The following FGD6 variants were observed in gnomAD, a reference collection of about 807,000 sequenced individuals.
FGD6 encodes FYVE, RhoGEF and PH domain-containing protein 6.
A neutral mutation model predicts 149.4 loss-of-function variants in FGD6; 90 were observed. The ratio of observed to expected loss-of-function variants is 0.60; its 90% CI spans 0.51 to 0.72. The LOEUF is 0.72. FGD6 is among the 30% of genes least tolerant of loss of function. The pLI is 0.00. For synonymous variants in FGD6, 527 were observed against 584.0 expected (o/e 0.90, Z 1.41); for missense variants, 1,437 against 1,684.8 (o/e 0.85, Z 2.57).
In FGD6 at chr12:95,082,105, T is replaced by C. The variant is rs555465071; in HGVS notation, c.4257-549A>G. On this transcript the variant is annotated intron_variant, in intron 20 of 20. Coordinates refer to ENST00000343958, the MANE Select transcript of FGD6 (RefSeq NM_018351.4). ...TAGGCATAAGGAAGGGACCATTTCA[T>C]GTATAAAGGTTCTATGAAGTCTTGA... Among the ~76,000 whole-genome samples, 97 of 152,292 alleles carry C rather than the reference T, an allele frequency of 6.4e-4. 1 individual carries two copies. The highest frequency in any genetic ancestry group is 5.0e-3 in the South Asian group (24 of 4,830).
In FGD6 at chr12:95,076,921, T is replaced by C. The variant is rs1245957232; in HGVS notation, c.*4599A>G. The C allele has an allele frequency of 1.3e-5, 2 of 151,808 alleles. No homozygotes were observed. The highest frequency in any genetic ancestry group is 2.9e-5 in the Non-Finnish European group (2 of 67,972). 9.4% of individuals were successfully genotyped at this position (151,808 alleles called of 1,614,324 possible). On this transcript the variant is annotated 3_prime_UTR_variant, in exon 21 of 21. Transcript: ENST00000343958. ...TTAAAAAAAAAACGATATTTCAAGA[T>C]TGGTTCTTACATGCTATGACCAACT...
intron 2 of FGD6, among the ~76,000 whole-genome samples, chr12:95,179,345 A>T (rs1448463112): frequency 6.6e-6 from 1 of 151,902 alleles, no homozygotes; most frequent in African/African-American, 2.4e-5. Context: ...CTATGAAAAA[A>T]AAAAAAAATT....
chr12:95,141,696 A>C (rs957802301), intron 5 of FGD6, among the ~76,000 whole-genome samples, 157 bp from the exon 6 acceptor site: 3 of 151,868 alleles, frequency 2.0e-5, no homozygotes, highest in Non-Finnish European at 4.4e-5. Context: ...CTCCTACCCC[A>C]CTCACCTAGA....
rs746842726 is a variant in FGD6 at position 95,094,654 on chromosome 12, T to C, written c.3538A>G (p.Arg1180Gly). 5.0e-6 allele frequency: 8 copies of C among 1,613,822 alleles called. No individual in the cohort carries two copies. The highest frequency in any genetic ancestry group is 2.2e-5 in the South Asian group (2 of 91,050). The change falls in exon 15 of 21, where the codon AGG becomes GGG. Residue 1180 changes from arginine to glycine, a missense_variant. Arg to Gly is a moderately radical substitution (Grantham distance 125, BLOSUM62 -2). This residue lies in a region of FGD6 where 382 missense variants were observed against 538.7 expected (regional missense o/e 0.71). Transcript: ENST00000343958. ...TTCTTGGCATACTCTTCTATTGCCC[T>C]GGAAATCGCTTCTAGCCATTCATCC... ...ERDEWLEAIS[R>G]AIEEYAKKRI...
At chr12:95,138,155 G>A (rs112992451) in intron 6 of FGD6, among the ~76,000 whole-genome samples, 29,160 of 151,530 alleles carry the variant, frequency 0.19, 3,031 homozygotes, top group Non-Finnish European at 0.21. Context: ...AGTGAGCCGA[G>A]ATTGTGCCAC....
intron 6 of FGD6, among the ~76,000 whole-genome samples, chr12:95,139,087 G>T (rs528708204): frequency 9.2e-5 from 14 of 152,166 alleles, no homozygotes; most frequent in Non-Finnish European, 1.9e-4. Context: ...ATTTCAGAAA[G>T]TCAACTAACA....
rs1267309922 is a variant in FGD6, at chr12:95,210,190, T to C, written c.1094A>G (p.His365Arg). The C allele has an allele frequency of 9.3e-6, 15 of 1,613,944 alleles. No homozygotes were observed. Among genetic ancestry groups the C allele is most frequent in the African/African-American group, 1.3e-5 (1 of 74,928 alleles). ...SLKINKISVL[H>R]QNVLCKQEQV... is the part of the protein sequence containing the mutation. ...TTCCTGCTTACACAAAACATTCTGATGCAGAACACTGATTTTATTGATTTT... is the reference window on the plus strand; with the variant it reads ...TTCCTGCTTACACAAAACATTCTGACGCAGAACACTGATTTTATTGATTTT... The change falls in exon 2 of 21, where the codon CAT (histidine) becomes CGT (arginine). Residue 365 changes from histidine to arginine, a missense_variant. Physicochemically the swap from His to Arg is conservative, Grantham distance 29. Around this residue, in one of 2 missense-constraint regions of FGD6, gnomAD observed 1,055 missense variants for 1,146.0 expected, o/e 0.92. Transcript: ENST00000343958.
At chr12:95,110,562 G>A (rs2136242861) in intron 9 of FGD6, among the ~76,000 whole-genome samples, 1 of 151,474 alleles carries the variant, frequency 6.6e-6, no homozygotes, top group African/African-American at 2.4e-5. Context: ...CGCCATGTTG[G>A]CAGGGCTGGT....
At chr12:95,170,672 C>T (rs1880966239) in intron 3 of FGD6, among the ~76,000 whole-genome samples, 1 of 152,062 alleles carries the variant, frequency 6.6e-6, no homozygotes, top group South Asian at 2.1e-4. Context: ...TACATAGAAG[C>T]TTAGAACCTG....
chr12:95,177,254 C>T (rs1480631078), intron 2 of FGD6, among the ~76,000 whole-genome samples: 2 of 152,170 alleles, frequency 1.3e-5, no homozygotes, highest in Non-Finnish European at 2.9e-5. Context: ...TGAGCCCCTA[C>T]TAAATTAAAA....
chr12:95,145,425 C>T (rs549807222), intron 5 of FGD6, among the ~76,000 whole-genome samples: 1 of 152,074 alleles, frequency 6.6e-6, no homozygotes, highest in Non-Finnish European at 1.5e-5. Context: ...TTATATTGTT[C>T]GGGTTCTTCA....
At chr12:95,173,677 C>T (rs1881055046) in intron 2 of FGD6, among the ~76,000 whole-genome samples, 1 of 152,100 alleles carries the variant, frequency 6.6e-6, no homozygotes, top group Admixed American at 6.6e-5. Flanking sequence ...CCTGTAGCAA[C>T]TGCTTTTCTG....
chr12:95,216,575 G>A (rs531248829), intron 1 of FGD6, among the ~76,000 whole-genome samples: 111 of 150,184 alleles, frequency 7.4e-4, no homozygotes, highest in African/African-American at 2.7e-3. Flanking sequence ...TTGGATGAAG[G>A]GGAAAGAACT....
At position 95,217,229 on chromosome 12, in the gene FGD6, T is replaced by C. The variant is rs1465135952; in HGVS notation, c.12A>G (p.Ala4=). The change falls in exon 1 of 21, where the codon GCA becomes GCG. Residue 4 remains alanine, a synonymous_variant. Coordinates refer to ENST00000343958, the MANE Select transcript of FGD6 (RefSeq NM_018351.4). MTS[A]AEIKKPPVAP... ...AGCGCGAGCGCCGTCACTTACCGGC[T>C]GCAGAAGTCATGATTCCCCGGTGCA... 7 of 1,612,148 alleles carry C rather than the reference T, an allele frequency of 4.3e-6. No individual in the cohort carries two copies. The highest frequency in any genetic ancestry group is 5.9e-6 in the Non-Finnish European group (7 of 1,178,792).
At chr12:95,184,939 T>A (rs1370914709) in intron 2 of FGD6, among the ~76,000 whole-genome samples, 1 of 151,888 alleles carries the variant, frequency 6.6e-6, no homozygotes, top group Non-Finnish European at 1.5e-5. Flanking sequence ...AGTGGTGCGA[T>A]CTTGGCTTAC....
chr12:95,093,274 A>G (rs1423838603), intron 15 of FGD6, among the ~76,000 whole-genome samples: 2 of 152,156 alleles, frequency 1.3e-5, no homozygotes, highest in African/African-American at 4.8e-5. Flanking sequence ...TTGGCTGGGC[A>G]TGGTGGCTCA....
At chr12:95,207,129 G>T (rs566596888) in intron 2 of FGD6, among the ~76,000 whole-genome samples, 1 of 151,866 alleles carries the variant, frequency 6.6e-6, no homozygotes, top group South Asian at 2.1e-4. Context: ...TCACGGGGGC[G>T]GTTTTCCCCC....
At chr12:95,122,645 C>CAG (rs748687785) in intron 8 of FGD6, among the ~76,000 whole-genome samples, 1 of 64,430 alleles carries the variant, frequency 1.6e-5, no homozygotes, top group East Asian at 5.3e-4. Context: ...GACTCAGTCT[C>CAG]AAAAAAAAAA....
At chr12:95,186,172 C>T (rs1329413265) in intron 2 of FGD6, among the ~76,000 whole-genome samples, 1 of 146,644 alleles carries the variant, frequency 6.8e-6, no homozygotes, top group Admixed American at 6.9e-5. Context: ...GCAAATCTAA[C>T]CTGCTGCCTG....
Sources: gnomAD v4.1 joint callset for allele counts (sites outside exome capture counted in the v4.1 genomes callset) on GRCh38, gnomAD v4.1.1 for gene constraint, gnomAD v4.1.1 regional missense constraint, MANE v1.5 for transcripts, NCBI Gene and HGNC (gene_info 2026-07-23, HGNC 2026-07-21) for gene names.